Variants in KAT7 observed in about 807,000 individuals in gnomAD.
KAT7 encodes the protein lysine acetyltransferase 7, also known as histone acetyltransferase KAT7.
KAT7 carries 10 observed loss-of-function variants against 82.1 expected under a neutral mutation model. The ratio of observed to expected loss-of-function variants is 0.12; its 90% confidence interval spans 0.08 to 0.21. The LOEUF (loss-of-function observed/expected upper bound fraction) is 0.21, where lower values mean the gene tolerates loss of function less well. Among genes scored for constraint, KAT7 ranks in the 10% least tolerant of loss-of-function variants. The probability of loss-of-function intolerance (pLI) is 1.00; values close to 1 mark genes in which losing one functional copy is unlikely to be tolerated. For missense variants in KAT7, 378 were observed against 760.9 expected (o/e 0.50, Z 5.92); for synonymous variants, 250 against 262.5 (o/e 0.95, Z 0.46).
intron 11 of KAT7, among the ~76,000 whole-genome samples, chr17:49,822,824 G>A (rs1221362726): frequency 6.6e-6 from 1 of 151,818 alleles, no homozygotes; most frequent in South Asian, 2.1e-4. Flanking sequence ...TAATCCCTTT[G>A]CAGAATGGGG....
chr17:49,809,841 T>G (rs185982392), intron 6 of KAT7, among the ~76,000 whole-genome samples: 9 of 152,364 alleles, frequency 5.9e-5, no homozygotes, highest in African/African-American at 2.2e-4. Context: ...TTGGAGGAAT[T>G]TTTCCCAAAT....
intron 1 of KAT7, 39 bp from the exon 2 acceptor site, chr17:49,791,847 A>G (rs775083050): frequency 3.1e-6 from 5 of 1,596,752 alleles, no homozygotes; most frequent in Non-Finnish European, 4.3e-6. Flanking sequence ...TCTCAGACCA[A>G]ATGCTTCTGT....
intron 7 of KAT7, 107 bp from the exon 8 acceptor site, chr17:49,815,696 A>T: frequency 1.4e-6 from 1 of 725,694 alleles, no homozygotes; most frequent in Non-Finnish European, 2.4e-6. Context: ...GTAGGCACTA[A>T]ATAAATAGCT....
intron 7 of KAT7, among the ~76,000 whole-genome samples, chr17:49,811,870 G>C (rs1333821669): frequency 6.6e-6 from 1 of 152,110 alleles, no homozygotes; most frequent in Admixed American, 6.5e-5. Flanking sequence ...TTACCCGCTA[G>C]AACACATGCC....
At position 49,798,603 on chromosome 17, in the gene KAT7, C is replaced by G. The variant is rs117463636; in HGVS notation, c.580+45C>G. 771 of 1,552,432 alleles carry G rather than the reference C, an allele frequency of 5.0e-4. 10 individuals carry two copies. The East Asian group carries it at 0.017, about 35-fold the overall frequency. ...ATGACATCCTTTGTTCTGTGGTTCT[C>G]TCTCCCAGGATCATCCAGAAATGTT... is the stretch of plus-strand genomic sequence containing the variant. On this transcript the variant is annotated intron_variant, in intron 4 of 14. Coordinates refer to ENST00000259021, the MANE Select transcript of KAT7 (RefSeq NM_007067.5).
intron 7 of KAT7, 39 bp from the exon 8 acceptor site, chr17:49,815,764 A>G: frequency 2.5e-6 from 3 of 1,190,040 alleles, no homozygotes; most frequent in Non-Finnish European, 2.5e-6. Flanking sequence ...TCTTAGAAGC[A>G]GAGAGTATCA....
At chr17:49,810,120 T>C (rs2074143273) in intron 6 of KAT7, among the ~76,000 whole-genome samples, 1 of 152,148 alleles carries the variant, frequency 6.6e-6, no homozygotes, top group African/African-American at 2.4e-5. Context: ...TAAGAAGAGG[T>C]GAATAATGCC....
chr17:49,797,055 C>T (rs563399821), intron 3 of KAT7, 129 bp downstream of exon 3: 2 of 713,754 alleles, frequency 2.8e-6, no homozygotes, highest in East Asian at 2.6e-5. Flanking sequence ...TGCTTGCTTC[C>T]TTTCTTATGT....
In KAT7 at chr17:49,796,764, C is replaced by A. The variant is rs1472150830; in HGVS notation, c.178C>A (p.Arg60=). Residue 60 remains arginine, a synonymous_variant, in exon 3 of 15, where the codon CGA becomes AGA. Coordinates refer to ENST00000259021, the MANE Select transcript of KAT7 (RefSeq NM_007067.5). ...SQSSQDSSPV[R]NLQSFGTEEP... ...ATTGGGATCAGATTCCAGTCCTGTTCGAAATCTGCAGTCTTTTGGCACTGA... is the reference window on the plus strand; with the variant it reads ...ATTGGGATCAGATTCCAGTCCTGTTAGAAATCTGCAGTCTTTTGGCACTGA... 2 of 1,604,542 alleles carry A rather than the reference C, an allele frequency of 1.2e-6. No individual in the cohort carries two copies. Among genetic ancestry groups the A allele is most frequent in the South Asian group, 1.1e-5 (1 of 90,000 alleles).
rs2074443760 is a variant in KAT7 at position 49,833,990 on chromosome 17, A to G, written c.*6488A>G. The G allele has an allele frequency of 6.6e-6, 1 of 152,196 alleles. No individual in the cohort carries two copies. The highest frequency in any genetic ancestry group is 1.5e-5 in the Non-Finnish European group (1 of 68,034). The allele number at this position is 152,196 out of a possible 1,614,324, so 9.4% of individuals were successfully genotyped here. On this transcript the variant is annotated 3_prime_UTR_variant, in exon 15 of 15. Coordinates refer to ENST00000259021, the MANE Select transcript of KAT7 (RefSeq NM_007067.5). ...AGGGGACACTGTTTATGTTCCGTGT[A>G]AATGGCAGCCTCAGTTCACCTCATT...
At position 49,831,645 on chromosome 17, in the gene KAT7, G is replaced by A. The variant is rs2074425825; in HGVS notation, c.*4143G>A. 6.6e-6 allele frequency: 1 copy of A among 152,082 alleles called. No homozygotes were observed. The highest frequency in any genetic ancestry group is 1.5e-5 in the Non-Finnish European group (1 of 68,030). 9.4% of individuals were successfully genotyped at this position (152,082 alleles called of 1,614,324 possible). A position where few individuals can be genotyped will look rare whatever the true frequency, so the allele number is the denominator to read the frequency against. On this transcript the variant is annotated 3_prime_UTR_variant, in exon 15 of 15. Coordinates refer to ENST00000259021, the MANE Select transcript of KAT7 (RefSeq NM_007067.5). ...TGCTATTTTCCCATTTCTTATCTGG[G>A]GATAATGAGTCATATTAAGTAATTT...
intron 5 of KAT7, among the ~76,000 whole-genome samples, chr17:49,806,445 TC>T (rs2074092929): frequency 6.6e-6 from 1 of 152,222 alleles, no homozygotes; most frequent in Non-Finnish European, 1.5e-5. Context: ...AAGTGGCAAT[TC>T]CTTCTGCTCT....
At chr17:49,816,622 T>A (rs2074238315) in intron 8 of KAT7, among the ~76,000 whole-genome samples, 1 of 152,210 alleles carries the variant, frequency 6.6e-6, no homozygotes, top group Admixed American at 6.5e-5. Flanking sequence ...CTAGACTTGT[T>A]GAAAACTTGG....
Position 49,834,662 on chromosome 17 carries a change from A to G in KAT7, c.*7160A>G, listed in dbSNP as rs1438546477. On this transcript the variant is annotated 3_prime_UTR_variant, in exon 15 of 15. Transcript: ENST00000259021. ...TCTTGTGTTTACTGAGAAAGCCTCC[A>G]CTTCAACGTTCCATGAAGTGTGTTC... 2 of 152,206 alleles carry G rather than the reference A, an allele frequency of 1.3e-5. No homozygotes were observed. The highest frequency in any genetic ancestry group is 3.8e-4 in the East Asian group (2 of 5,206). The allele number at this position is 152,206 out of a possible 1,614,324, so 9.4% of individuals were successfully genotyped here.
intron 7 of KAT7, chr17:49,815,518 C>A (rs1468517398): frequency 7.7e-6 from 2 of 261,268 alleles, no homozygotes; most frequent in Non-Finnish European, 1.4e-5. Flanking sequence ...CATGAAGGAA[C>A]AGCGTTCTGA....
At chr17:49,792,601 G>T (rs1002067559) in intron 2 of KAT7, among the ~76,000 whole-genome samples, 1 of 152,112 alleles carries the variant, frequency 6.6e-6, no homozygotes, top group African/African-American at 2.4e-5. Flanking sequence ...TCAGTGAGCC[G>T]TAACTCCCAG....
rs746852006 is a variant in KAT7, at chr17:49,798,571, T to G, written c.580+13T>G. On this transcript the variant is annotated intron_variant, in intron 4 of 14. Transcript: ENST00000259021. Reference sequence around the variant, plus strand: ...TGTAACTCTCTAGGTCAGTGTGCCCTAGCTTCATGACATCCTTTGTTCTGT... The same window carrying G: ...TGTAACTCTCTAGGTCAGTGTGCCCGAGCTTCATGACATCCTTTGTTCTGT... 1.3e-6 allele frequency: 2 copies of G among 1,585,024 alleles called. No homozygotes were observed. The highest frequency in any genetic ancestry group is 1.1e-5 in the South Asian group (1 of 88,518).
At chr17:49,793,864 C>A (rs1252692788) in intron 2 of KAT7, among the ~76,000 whole-genome samples, 1 of 152,150 alleles carries the variant, frequency 6.6e-6, no homozygotes, top group Non-Finnish European at 1.5e-5. Context: ...AGCCACCGCG[C>A]CCTGCTGCTT....
At chr17:49,821,550 A>C (rs980423106) in intron 10 of KAT7, 100 bp from the exon 11 acceptor site, 6 of 1,526,234 alleles carry the variant, frequency 3.9e-6, no homozygotes, top group Non-Finnish European at 5.4e-6. Flanking sequence ...CAAAATACAC[A>C]ATGTGTTTCA....
Sources: gnomAD v4.1 joint callset for allele counts (sites outside exome capture counted in the v4.1 genomes callset) on GRCh38, gnomAD v4.1.1 for gene constraint, MANE v1.5 for transcripts, NCBI Gene and HGNC (gene_info 2026-07-23, HGNC 2026-07-21) for gene names.